The following SINHCAF variants were observed in gnomAD, a reference collection of about 807,000 sequenced individuals.
SINHCAF encodes SIN3-HDAC complex associated factor.
In SINHCAF, 3 loss-of-function variants were observed where a neutral mutation model predicts 25.8. The ratio of observed to expected loss-of-function variants is 0.12; its 90% CI spans 0.05 to 0.30. The LOEUF is 0.30. Among genes scored for constraint, SINHCAF ranks in the 10% least tolerant of loss-of-function variants. SINHCAF has a pLI of 1.00. For missense variants in SINHCAF, 121 were observed against 262.3 expected (o/e 0.46, Z 3.72); for synonymous variants, 70 against 85.5 (o/e 0.82, Z 1.00).
chr12:31,310,651 G>A (rs982471367), intron 1 of SINHCAF, among the ~76,000 whole-genome samples: 4 of 152,060 alleles, frequency 2.6e-5, no homozygotes, highest in African/African-American at 9.7e-5. Context: ...CATTAGTTCT[G>A]GCCATCACCT....
At chr12:31,323,874 C>A in intron 1 of SINHCAF, 1 of 442,040 alleles carries the variant, frequency 2.3e-6, no homozygotes, top group Non-Finnish European at 4.6e-6. Context: ...GAGGTGCTCG[C>A]CGCCCTCACC....
intron 4 of SINHCAF, among the ~76,000 whole-genome samples, chr12:31,290,066 G>C (rs913261770): frequency 6.6e-6 from 1 of 152,008 alleles, no homozygotes; most frequent in Non-Finnish European, 1.5e-5. Context: ...AGCCTCAAGC[G>C]ATCCTCCCAC....
At chr12:31,311,945 T>C (rs1939286666) in intron 1 of SINHCAF, 2 of 611,608 alleles carry the variant, frequency 3.3e-6, no homozygotes, top group South Asian at 2.8e-5. Context: ...GGCCTTTTGA[T>C]TGGTCCTGGG....
intron 5 of SINHCAF, among the ~76,000 whole-genome samples, chr12:31,284,714 G>A (rs996762721): frequency 1.3e-5 from 2 of 151,854 alleles, no homozygotes; most frequent in African/African-American, 4.8e-5. Context: ...GACCATTTTC[G>A]CCCACCAATC....
At chr12:31,287,809 AT>A in intron 4 of SINHCAF, 25 bp from the exon 5 acceptor site, 1 of 1,548,332 alleles carries the variant, frequency 6.5e-7, no homozygotes, top group Non-Finnish European at 8.8e-7. Flanking sequence ...AAGAGAAAAA[AT>A]AAAATTTTCA....
chr12:31,307,957 A>G (rs1939104213), intron 1 of SINHCAF, among the ~76,000 whole-genome samples: 1 of 151,912 alleles, frequency 6.6e-6, no homozygotes, highest in Non-Finnish European at 1.5e-5. Flanking sequence ...ACCTTTTAAA[A>G]AAAAACAACA....
intron 1 of SINHCAF, among the ~76,000 whole-genome samples, chr12:31,322,720 G>GT (rs924647949): frequency 1.3e-5 from 2 of 152,202 alleles, no homozygotes; most frequent in Non-Finnish European, 2.9e-5. Context: ...ATTTTTAGGT[G>GT]TGTGGGGGCA....
intron 1 of SINHCAF, among the ~76,000 whole-genome samples, chr12:31,301,786 C>A (rs1182668946): frequency 6.6e-6 from 1 of 151,776 alleles, no homozygotes; most frequent in Non-Finnish European, 1.5e-5. Flanking sequence ...ATCCCTAGAG[C>A]AAAACCAAGG....
In SINHCAF at chr12:31,291,941, C is replaced by G. The variant is rs1447414452; in HGVS notation, c.355+1864G>C. ...AAAGGTGCCAGCAATTTATACTGTA[C>G]CTGGTGAACACCCTGTTTCAGTCTG... On this transcript the variant is annotated intron_variant, in intron 4 of 5. Coordinates refer to ENST00000337682, the MANE Select transcript of SINHCAF (RefSeq NM_001135812.2). Among the ~76,000 whole-genome samples, 5 of 152,304 alleles carry G rather than the reference C, an allele frequency of 3.3e-5. No homozygotes were observed. The East Asian group carries it at 9.6e-4, about 29-fold the overall frequency.
At chr12:31,285,366 T>A (rs1217981522) in intron 5 of SINHCAF, among the ~76,000 whole-genome samples, 1 of 148,550 alleles carries the variant, frequency 6.7e-6, no homozygotes, top group Non-Finnish European at 1.5e-5. Context: ...CCAGCCTAAG[T>A]GACAGAGTGA....
chr12:31,314,709 T>A (rs928895687), intron 1 of SINHCAF, among the ~76,000 whole-genome samples: 4 of 152,232 alleles, frequency 2.6e-5, no homozygotes, highest in Non-Finnish European at 4.4e-5. Flanking sequence ...CTTTTGCTAC[T>A]TTCAAGATAC....
At chr12:31,308,824 C>T (rs1346741034) in intron 1 of SINHCAF, among the ~76,000 whole-genome samples, 2 of 151,910 alleles carry the variant, frequency 1.3e-5, no homozygotes, top group African/African-American at 4.8e-5. Context: ...TACAGAGATC[C>T]GCAACTGAAA....
chr12:31,306,949 TTAACCTTACC>T (rs1197829901), intron 1 of SINHCAF, among the ~76,000 whole-genome samples: 1 of 152,202 alleles, frequency 6.6e-6, no homozygotes, highest in Non-Finnish European at 1.5e-5. Context: ...ACATCCTGCT[TTAACCTTACC>T]ACCTTCTCCC....
intron 1 of SINHCAF, among the ~76,000 whole-genome samples, chr12:31,312,781 G>A (rs1052813825): frequency 6.6e-6 from 1 of 152,162 alleles, no homozygotes; most frequent in African/African-American, 2.4e-5. Context: ...CAAATTATCA[G>A]CATTTTCTTT....
At chr12:31,318,423 G>A (rs1939574953) in intron 1 of SINHCAF, among the ~76,000 whole-genome samples, 1 of 152,186 alleles carries the variant, frequency 6.6e-6, no homozygotes, top group South Asian at 2.1e-4. Flanking sequence ...CTTCAAACAT[G>A]TGCCCTGTCT....
At chr12:31,309,859 GT>G (rs1939196387) in intron 1 of SINHCAF, among the ~76,000 whole-genome samples, 1 of 151,932 alleles carries the variant, frequency 6.6e-6, no homozygotes, top group African/African-American at 2.4e-5. Context: ...TAGAGATGGG[GT>G]TTTTCCATGT....
At chr12:31,293,313 C>T (rs964919568) in intron 4 of SINHCAF, among the ~76,000 whole-genome samples, 4 of 152,160 alleles carry the variant, frequency 2.6e-5, no homozygotes, top group African/African-American at 9.7e-5. Context: ...TTAGACATTC[C>T]TTTCTCATTC....
chr12:31,288,980 G>GA (rs1023119889), intron 4 of SINHCAF, among the ~76,000 whole-genome samples: 4 of 151,178 alleles, frequency 2.6e-5, no homozygotes, highest in East Asian at 2.0e-4. Context: ...AAACTATAAG[G>GA]AAAAAATAAA....
chr12:31,295,368 C>T (rs1328515335), intron 2 of SINHCAF, 35 bp from the exon 3 acceptor site: 1 of 1,386,806 alleles, frequency 7.2e-7, no homozygotes, highest in South Asian at 1.2e-5. Context: ...TATCAGTCTC[C>T]CTTACCTTAA....
Sources: gnomAD v4.1 joint callset for allele counts (sites outside exome capture counted in the v4.1 genomes callset) on GRCh38, gnomAD v4.1.1 for gene constraint, MANE v1.5 for transcripts, NCBI Gene and HGNC (gene_info 2026-07-23, HGNC 2026-07-21) for gene names.